Variants in RPL36 observed in about 807,000 individuals in gnomAD.
RPL36 encodes ribosomal protein L36, also known as large ribosomal subunit protein eL36.
For missense variants in RPL36, 131 were observed against 144.9 expected (o/e 0.90, Z 0.49); for synonymous variants, 74 against 56.0 (o/e 1.32, Z -1.44).
chr19:5,691,862 G>C lies in RPL36; in HGVS notation c.*241G>C. ...TGCAAATGACTTTAATCATTAAATA[G>C]CTTCTATGCCACACTCTGATTAAGC... On this transcript the variant is annotated 3_prime_UTR_variant, in exon 4 of 4. Transcript: ENST00000347512. The C allele has an allele frequency of 1.2e-6, 1 of 814,404 alleles. No individual in the cohort carries two copies. Among genetic ancestry groups the C allele is most frequent in the African/African-American group, 1.7e-5 (1 of 58,386 alleles). The allele number at this position is 814,404 out of a possible 1,614,324, so 50.4% of individuals were successfully genotyped here. A position where few individuals can be genotyped will look rare whatever the true frequency, so the allele number is the denominator to read the frequency against.
In RPL36 at chr19:5,690,323, A is replaced by G. The variant is rs1031184108; in HGVS notation, c.-7A>G. The G allele has an allele frequency of 2.8e-5, 18 of 643,914 alleles. 1 individual carries two copies. In the Admixed American group the frequency reaches 3.1e-4, roughly 11 times the overall value. The allele number at this position is 643,914 out of a possible 1,614,324, so 39.9% of individuals were successfully genotyped here. On this transcript the variant is annotated 5_prime_UTR_variant, in exon 1 of 4. Transcript: ENST00000347512. ...TCCGCCACGGCCGTCTCTGGAGAGC[A>G]GCAGGTAAGTGGTTTCCCGCACTGC...
At chr19:5,690,348 C>T (rs930043254) in intron 1 of RPL36, 21 bp downstream of exon 1, 16 of 680,548 alleles carry the variant, frequency 2.4e-5, no homozygotes, top group African/African-American at 1.6e-4. Flanking sequence ...TCCCGCACTG[C>T]CGGTATCCGC....
rs1310117129 is a variant in RPL36, at chr19:5,691,603, T to C, written c.300T>C (p.Ala100=). The change falls in exon 4 of 4, where the codon GCT becomes GCC. Residue 100 remains alanine, a synonymous_variant. Coordinates refer to ENST00000347512, the MANE Select transcript of RPL36 (RefSeq NM_033643.3). The part of the protein sequence containing the change: ...LSNVLAAMRK[A]AAKKD ...ACGTACTGGCCGCCATGAGGAAAGC[T>C]GCTGCCAAGAAAGACTGAGCCCCTC... 6.2e-7 allele frequency: 1 copy of C among 1,610,538 alleles called. No individual in the cohort carries two copies.
At chr19:5,690,780 C>T (rs922303861) in intron 2 of RPL36, 180 bp downstream of exon 2, 3 of 639,730 alleles carry the variant, frequency 4.7e-6, no homozygotes, top group Non-Finnish European at 5.6e-6. Context: ...GGCGGGCACC[C>T]ATCTGGGTTT....
rs1441090244 is a variant in RPL36, at chr19:5,691,396, C to T, written c.171C>T (p.Ala57=). 6.2e-7 allele frequency: 1 copy of T among 1,613,982 alleles called. No individual in the cohort carries two copies. Among genetic ancestry groups the T allele is most frequent in the East Asian group, 2.2e-5 (1 of 44,876 alleles). ...GCTTTGCCCCGTACGAGCGGCGCGC[C>T]ATGGAGTTACTGAAGGTCTCCAAGG... The part of the protein sequence containing the change: ...VCGFAPYERR[A]MELLKVSKDK... Residue 57 remains alanine (A), a synonymous_variant, in exon 3 of 4, where the codon GCC becomes GCT. Coordinates refer to ENST00000347512, the MANE Select transcript of RPL36 (RefSeq NM_033643.3).
chr19:5,690,392 T>C, intron 1 of RPL36, 65 bp downstream of exon 1: 2 of 812,086 alleles, frequency 2.5e-6, no homozygotes, highest in South Asian at 1.5e-5. Context: ...CTGTGCAGGT[T>C]GGAGGATGGT....
At position 5,691,467 on chromosome 19, in the gene RPL36, G is replaced by T. The variant is rs745402208; in HGVS notation, c.228+14G>T. 2 of 1,609,088 alleles carry T rather than the reference G, an allele frequency of 1.2e-6. No individual in the cohort carries two copies. The highest frequency in any genetic ancestry group is 1.7e-6 in the Non-Finnish European group (2 of 1,175,946). ...ATCAAGAAAAGGGTAGGTGGGCGCT[G>T]CCGGCCGAGGGGCGGGGTGGGATGG... On this transcript the variant is annotated intron_variant, in intron 3 of 3. Transcript: ENST00000347512.
At chr19:5,690,754 C>T (rs570398552) in intron 2 of RPL36, 154 bp downstream of exon 2, 10 of 669,558 alleles carry the variant, frequency 1.5e-5, no homozygotes, top group African/African-American at 1.1e-4. Context: ...GTGGGACTTC[C>T]TGCCTGGTGC....
At chr19:5,690,801 T>A (rs1319283611) in intron 2 of RPL36, 2 of 618,394 alleles carry the variant, frequency 3.2e-6, no homozygotes, top group Non-Finnish European at 5.8e-6. Context: ...TTCCCAACCG[T>A]GCAATCCACG....
Position 5,690,804 on chromosome 19 carries a change from A to C in RPL36, c.93+204A>C. ...CCATCTGGGTTTTTCCCAACCGTGCAATCCACGCTGGGGCAGAGGGAGCAC... is the reference window on the plus strand; with the variant it reads ...CCATCTGGGTTTTTCCCAACCGTGCCATCCACGCTGGGGCAGAGGGAGCAC... On this transcript the variant is annotated intron_variant, in intron 2 of 3. Coordinates refer to ENST00000347512, the MANE Select transcript of RPL36 (RefSeq NM_033643.3). 4.9e-6 allele frequency: 3 copies of C among 616,206 alleles called. No homozygotes were observed. In the East Asian group the frequency reaches 8.3e-5, roughly 17 times the overall value. 38.2% of individuals were successfully genotyped at this position (616,206 alleles called of 1,614,324 possible).
rs1568307538 is a variant in RPL36 at position 5,691,679 on chromosome 19, CCTG to C, written c.*62_*64del. ...ACAGCTTGACAGAAGCCCTGGCTCT[CCTG>C]CTGTCCGTGGGTGGGTGTGGGTGTG... On this transcript the variant is annotated 3_prime_UTR_variant, in exon 4 of 4. Transcript: ENST00000347512. 1.3e-6 allele frequency: 2 copies of C among 1,525,740 alleles called. No individual in the cohort carries two copies. Among genetic ancestry groups the C allele is most frequent in the Non-Finnish European group, 1.8e-6 (2 of 1,124,160 alleles). The allele number at this position is 1,525,740 out of a possible 1,614,324, so 94.5% of individuals were successfully genotyped here.
At position 5,691,854 on chromosome 19, in the gene RPL36, A is replaced by G; in HGVS notation, c.*233A>G. On this transcript the variant is annotated 3_prime_UTR_variant, in exon 4 of 4. Transcript: ENST00000347512. ...CGCCGTACTGCAAATGACTTTAATC[A>G]TTAAATAGCTTCTATGCCACACTCT... 1 of 822,406 alleles carries G rather than the reference A, an allele frequency of 1.2e-6. No homozygotes were observed. The highest frequency in any genetic ancestry group is 1.9e-6 in the Non-Finnish European group (1 of 532,232). The allele number at this position is 822,406 out of a possible 1,614,324, so 50.9% of individuals were successfully genotyped here.
rs1343952799 is a variant in RPL36 at position 5,690,342 on chromosome 19, G to A, written c.-3+15G>A. 3.0e-6 allele frequency: 2 copies of A among 669,694 alleles called. No homozygotes were observed. Among genetic ancestry groups the A allele is most frequent in the African/African-American group, 1.8e-5 (1 of 56,484 alleles). 41.5% of individuals were successfully genotyped at this position (669,694 alleles called of 1,614,324 possible). A position where few individuals can be genotyped will look rare whatever the true frequency, so the allele number is the denominator to read the frequency against. ...GAGAGCAGCAGGTAAGTGGTTTCCC[G>A]CACTGCCGGTATCCGCCGCCATCCG... On this transcript the variant is annotated intron_variant, in intron 1 of 3. Transcript: ENST00000347512.
chr19:5,691,285 C>A, intron 2 of RPL36, 34 bp from the exon 3 acceptor site: 1 of 1,612,004 alleles, frequency 6.2e-7, no homozygotes, highest in Non-Finnish European at 8.5e-7. Flanking sequence ...TGCAGGGATC[C>A]CCCTACCCTG....
In RPL36 at chr19:5,690,507, C is replaced by T. The variant is rs2054803022; in HGVS notation, c.-1C>T. ...CCTTCTCCCCGTCGCTGTCCGCAGC[C>T]ATGGCCCTACGCTACCCTATGGCCG... On this transcript the variant is annotated splice_region_variant and 5_prime_UTR_variant, in exon 2 of 4. Transcript: ENST00000347512. 6 of 1,555,814 alleles carry T rather than the reference C, an allele frequency of 3.9e-6. No individual in the cohort carries two copies. The African/African-American group carries it at 4.1e-5, about 11-fold the overall frequency.
intron 2 of RPL36, chr19:5,690,888 C>T (rs1599436752): frequency 3.6e-6 from 2 of 560,742 alleles, no homozygotes; most frequent in Non-Finnish European, 6.4e-6. Context: ...GGAGTTCGCT[C>T]ATGGAGCTGG....
chr19:5,690,999 A>T, intron 2 of RPL36: 1 of 505,446 alleles, frequency 2.0e-6, no homozygotes, highest in Non-Finnish European at 3.5e-6. Context: ...ACGCAGGAGT[A>T]AGGAGTTCGC....
At position 5,691,819 on chromosome 19, in the gene RPL36, G is replaced by A. The variant is rs1054960222; in HGVS notation, c.*198G>A. ...CCGCCCACCCTTCCCGGGGCAGCAG[G>A]TGAGGAAGCCGCCGTACTGCAAATG... On this transcript the variant is annotated 3_prime_UTR_variant, in exon 4 of 4. Transcript: ENST00000347512. 2.5e-6 allele frequency: 2 copies of A among 808,992 alleles called. No homozygotes were observed. The highest frequency in any genetic ancestry group is 3.9e-6 in the Non-Finnish European group (2 of 513,860). The allele number at this position is 808,992 out of a possible 1,614,324, so 50.1% of individuals were successfully genotyped here.
In RPL36 at chr19:5,690,506, C is replaced by T. The variant is rs2054802990; in HGVS notation, c.-2C>T. On this transcript the variant is annotated splice_region_variant and 5_prime_UTR_variant, in exon 2 of 4. Coordinates refer to ENST00000347512, the MANE Select transcript of RPL36 (RefSeq NM_033643.3). ...CCCTTCTCCCCGTCGCTGTCCGCAG[C>T]CATGGCCCTACGCTACCCTATGGCC... The T allele has an allele frequency of 3.2e-6, 5 of 1,555,250 alleles. No individual in the cohort carries two copies. In the African/African-American group the frequency reaches 6.8e-5, roughly 21 times the overall value.
Sources: allele counts gnomAD v4.1 joint callset, GRCh38; gene constraint gnomAD v4.1.1; transcripts MANE v1.5; gene names NCBI Gene and HGNC (gene_info 2026-07-23, HGNC 2026-07-21).